Variants in CFAP251 observed in about 807,000 individuals in gnomAD.
CFAP251 encodes the protein cilia- and flagella-associated protein 251.
CFAP251 carries 93 observed loss-of-function variants against 126.7 expected under a neutral mutation model. The observed-to-expected ratio is 0.73, with a 90% CI of 0.62 to 0.87. The LOEUF is 0.87. Among genes scored for constraint, CFAP251 ranks in the 40% least tolerant of loss-of-function variants. The pLI, the probability that CFAP251 is intolerant of heterozygous loss-of-function variation, is 0.00. For missense variants in CFAP251, 1,287 were observed against 1,389.2 expected (o/e 0.93, Z 1.17); for synonymous variants, 503 against 506.9 (o/e 0.99, Z 0.10).
chr12:121,998,091 C>T (rs1387411610), intron 19 of CFAP251: 1 of 151,896 alleles, frequency 6.6e-6, no homozygotes, highest in Non-Finnish European at 1.5e-5. Flanking sequence ...CACTTTGTGT[C>T]CCAGGCTGGA....
intron 19 of CFAP251, among the ~76,000 whole-genome samples, chr12:121,994,363 G>A (rs1286882885): frequency 1.5e-5 from 1 of 68,430 alleles, no homozygotes. Context: ...CCGGCCAGCC[G>A]CCCCGTCCGG....
intron 17 of CFAP251, among the ~76,000 whole-genome samples, chr12:121,968,579 C>T (rs537597639): frequency 2.6e-5 from 4 of 152,114 alleles, no homozygotes; most frequent in Non-Finnish European, 5.9e-5. Flanking sequence ...CTGCCTGAGG[C>T]GAGGCTGGAG....
intron 8 of CFAP251, chr12:121,950,049 A>C (rs1254356533): frequency 6.6e-6 from 1 of 152,250 alleles, no homozygotes; most frequent in African/African-American, 2.4e-5. Context: ...CAGCAGCACT[A>C]TTTGTAATAA....
chr12:121,929,342 GA>G (rs950016397), intron 3 of CFAP251, among the ~76,000 whole-genome samples: 3 of 148,594 alleles, frequency 2.0e-5, no homozygotes, highest in African/African-American at 7.4e-5. Flanking sequence ...AAAGAAAAAA[GA>G]AAAAAAAATT....
intron 3 of CFAP251, 152 bp from the exon 4 acceptor site, chr12:121,931,594 T>G: frequency 3.5e-4 from 243 of 698,756 alleles, no homozygotes; most frequent in Non-Finnish European, 4.6e-4. Flanking sequence ...ATTACAGGCA[T>G]GAGCCACCAC....
In CFAP251 at chr12:121,962,121, C is replaced by A; in HGVS notation, c.2451C>A (p.Gly817=). ...TCTTCCTGCTTATTTGCAACAGTGG[C>A]TACAAAGTGAAGCTTTTTAATGCTA... ...RELFLLICNS[G]YKVKLFNATT... is the part of the protein sequence containing the mutation. The change falls in exon 15 of 22, where the codon GGC becomes GGA. Residue 817 remains glycine (G), a synonymous_variant. Coordinates refer to ENST00000288912, the MANE Select transcript of CFAP251 (RefSeq NM_144668.6). The A allele has an allele frequency of 6.2e-7, 1 of 1,613,868 alleles. No individual in the cohort carries two copies. Among genetic ancestry groups the A allele is most frequent in the Non-Finnish European group, 8.5e-7 (1 of 1,180,032 alleles).
At chr12:121,982,820 A>G (rs1882655182) in intron 19 of CFAP251, among the ~76,000 whole-genome samples, 1 of 152,116 alleles carries the variant, frequency 6.6e-6, no homozygotes, top group Non-Finnish European at 1.5e-5. Flanking sequence ...TTCCTATAGA[A>G]ATAAGGAAGT....
chr12:121,999,835 TAAC>T lies in CFAP251; in HGVS notation c.3128_3130del (p.Asn1043del). 1 of 1,614,150 alleles carries T rather than the reference TAAC, an allele frequency of 6.2e-7. No individual in the cohort carries two copies. The highest frequency in any genetic ancestry group is 8.5e-7 in the Non-Finnish European group (1 of 1,180,014). On this transcript the variant is annotated inframe_deletion, in exon 20 of 22. Coordinates refer to ENST00000288912, the MANE Select transcript of CFAP251 (RefSeq NM_144668.6). ...ACCTTAACCACAAGCCACCTTTTGG[TAAC>T]ACCATGAGTGGCATCCACAAGAGCT...
In CFAP251 at chr12:121,989,755, T is replaced by C. The variant is rs557344551; in HGVS notation, c.3007-9961T>C. Among the ~76,000 whole-genome samples the C allele has an allele frequency of 1.6e-3, 242 of 152,236 alleles. 2 individuals are homozygous for C. Among genetic ancestry groups the C allele is most frequent in the African/African-American group, 5.7e-3 (237 of 41,544 alleles). On this transcript the variant is annotated intron_variant, in intron 19 of 21. Transcript: ENST00000288912. The surrounding 1 kb of genome is among the most constrained non-coding windows in gnomAD (Gnocchi z 4.2). ...GAGTGCTCCCAGTCCTACTGGTCCA[T>C]GAAACCATTAGAAAAGCAAACCTGC...
In CFAP251 at chr12:121,934,331, G is replaced by T. The variant is rs748194822; in HGVS notation, c.973G>T (p.Val325Leu). 1 of 1,614,054 alleles carries T rather than the reference G, an allele frequency of 6.2e-7. No individual in the cohort carries two copies. The highest frequency in any genetic ancestry group is 1.1e-5 in the South Asian group (1 of 91,058). The change falls in exon 5 of 22, where the codon GTG becomes TTG. Residue 325 changes from valine (V) to leucine (L), a missense_variant. Val to Leu is a conservative substitution (Grantham distance 32). Coordinates refer to ENST00000288912, the MANE Select transcript of CFAP251 (RefSeq NM_144668.6). ...AGCAGACAAAGGGCCAGACTGCCTG[G>T]TGATTATATGGGACTCCTTCACAGG... is the stretch of plus-strand genomic sequence containing the variant. ...ATADKGPDCL[V>L]IIWDSFTGIP...
At position 121,923,824 on chromosome 12, in the gene CFAP251, T is replaced by C. The variant is rs1180865801; in HGVS notation, c.581T>C (p.Leu194Pro). The C allele has an allele frequency of 3.1e-6, 5 of 1,613,984 alleles. 1 individual carries two copies. The South Asian group carries it at 5.5e-5, about 18-fold the overall frequency. ...EKTDRMPQDE[L>P]GQERRDLEPE... Reference sequence around the variant, plus strand: ...ACCGACCGGATGCCCCAAGATGAACTGGGACAAGAAAGAAGGGACTTGGAG... The same window carrying C: ...ACCGACCGGATGCCCCAAGATGAACCGGGACAAGAAAGAAGGGACTTGGAG... Residue 194 changes from leucine (L) to proline (P), a missense_variant, in exon 3 of 22, where the codon CTG (leucine) becomes CCG (proline). Coordinates refer to ENST00000288912, the MANE Select transcript of CFAP251 (RefSeq NM_144668.6).
rs186994407 is a variant in CFAP251 at position 122,000,161 on chromosome 12, C to T, written c.3235+217C>T. ...AGCTAGAAAGCAAAAGAATGTGATT[C>T]GTGTTGCAACTACCTGAGCCTCAGC... On this transcript the variant is annotated intron_variant, in intron 20 of 21. Coordinates refer to ENST00000288912, the MANE Select transcript of CFAP251 (RefSeq NM_144668.6). 3.9e-5 allele frequency among the ~76,000 whole-genome samples: 6 copies of T among 152,286 alleles called. No homozygotes were observed. In the South Asian group the frequency reaches 8.3e-4, roughly 21 times the overall value.
chr12:121,967,904 G>A (rs768647964), intron 16 of CFAP251, 102 bp from the exon 17 acceptor site: 89 of 1,077,168 alleles, frequency 8.3e-5, no homozygotes, highest in Non-Finnish European at 1.2e-4. Flanking sequence ...AGACACACAG[G>A]TCCTTCTGGC....
At chr12:121,961,854 T>G (rs1881949753) in intron 14 of CFAP251, 124 bp from the exon 15 acceptor site, 13 of 967,416 alleles carry the variant, frequency 1.3e-5, no homozygotes, top group Middle Eastern at 3.4e-4. Flanking sequence ...CCTGATACCG[T>G]CTCCCCCAGA....
At chr12:121,964,911 T>A (rs747448734) in intron 15 of CFAP251, among the ~76,000 whole-genome samples, 33 of 151,594 alleles carry the variant, frequency 2.2e-4, no homozygotes, top group African/African-American at 4.9e-4. Flanking sequence ...TTAAAAAAAA[T>A]AAAATAAAAT....
Position 121,951,411 on chromosome 12 carries a change from A to T in CFAP251, c.1270-69A>T. 9.0e-7 allele frequency: 1 copy of T among 1,114,562 alleles called. No homozygotes were observed. Among genetic ancestry groups the T allele is most frequent in the East Asian group, 2.5e-5 (1 of 40,552 alleles). The allele number at this position is 1,114,562 out of a possible 1,614,324, so 69.0% of individuals were successfully genotyped here. A position where few individuals can be genotyped will look rare whatever the true frequency, so the allele number is the denominator to read the frequency against. ...GTTTAGATGTATTTGTTTTGCTTTT[A>T]TTATTAATGCCGTTCTTCCTTTGGA... On this transcript the variant is annotated intron_variant, in intron 8 of 21. Coordinates refer to ENST00000288912, the MANE Select transcript of CFAP251 (RefSeq NM_144668.6).
chr12:121,964,304 A>T (rs1882048440), intron 15 of CFAP251, among the ~76,000 whole-genome samples: 1 of 152,218 alleles, frequency 6.6e-6, no homozygotes, highest in South Asian at 2.1e-4. Flanking sequence ...TGTAAAGAGG[A>T]GCTTTAGAAA....
At chr12:121,941,699 G>A (rs930282896) in intron 5 of CFAP251, among the ~76,000 whole-genome samples, 7 of 152,116 alleles carry the variant, frequency 4.6e-5, no homozygotes, top group Admixed American at 2.6e-4. Context: ...TATATTAAGG[G>A]ACATTTGTGT....
At chr12:121,977,626 C>T (rs1197895546) in intron 19 of CFAP251, among the ~76,000 whole-genome samples, 2 of 151,826 alleles carry the variant, frequency 1.3e-5, no homozygotes, top group Non-Finnish European at 2.9e-5. Context: ...CACCACAGCA[C>T]TCCAGCCTGG....
Sources: gnomAD v4.1 joint callset for allele counts (sites outside exome capture counted in the v4.1 genomes callset) on GRCh38, gnomAD v4.1.1 for gene constraint, Gnocchi (gnomAD v3.1) non-coding constraint, MANE v1.5 for transcripts, NCBI Gene and HGNC (gene_info 2026-07-23, HGNC 2026-07-21) for gene names.